The following PRRC2A variants were observed in gnomAD, a reference collection of about 807,000 sequenced individuals.
PRRC2A encodes proline rich coiled-coil 2A.
A neutral mutation model predicts 224.6 loss-of-function variants in PRRC2A; 59 were observed. The observed-to-expected ratio is 0.26, with a 90% confidence interval of 0.21 to 0.33. PRRC2A has a LOEUF of 0.33. Among genes scored for constraint, PRRC2A ranks in the 10% least tolerant of loss-of-function variants. The probability of loss-of-function intolerance (pLI) is 1.00; values close to 1 mark genes in which losing one functional copy is unlikely to be tolerated. For synonymous variants in PRRC2A, 1,194 were observed against 1,109.5 expected (o/e 1.08, Z -1.51); for missense variants, 3,095 against 2,880.7 (o/e 1.07, Z -1.70).
intron 19 of PRRC2A, 31 bp from the exon 20 acceptor site, chr6:31,634,441 C>T (rs1290473340): frequency 3.7e-6 from 6 of 1,612,720 alleles, no homozygotes; most frequent in African/African-American, 1.3e-5. Flanking sequence ...CATCTCCTCA[C>T]TTCTCTTCTG....
chr6:31,632,372 C>T lies in PRRC2A; in HGVS notation c.3699C>T (p.Gly1233=). The part of the protein sequence containing the change: ...RGGSNGGSNV[G]MEDGERPRRR... ...GCAGCAATGGAGGTAGCAATGTGGG[C>T]ATGGAAGATGGGGAGCGACCCCGAA... The change falls in exon 16 of 31, where the codon GGC becomes GGT. Residue 1233 remains glycine, a synonymous_variant. Coordinates refer to ENST00000376033, the MANE Select transcript of PRRC2A (RefSeq NM_004638.4). 1 of 1,612,736 alleles carries T rather than the reference C, an allele frequency of 6.2e-7. No homozygotes were observed. Among genetic ancestry groups the T allele is most frequent in the Non-Finnish European group, 8.5e-7 (1 of 1,179,588 alleles).
chr6:31,637,296 G>C lies in PRRC2A; in HGVS notation c.6305G>C (p.Arg2102Pro). 6.2e-7 allele frequency: 1 copy of C among 1,612,366 alleles called. No individual in the cohort carries two copies. Among genetic ancestry groups the C allele is most frequent in the Non-Finnish European group, 8.5e-7 (1 of 1,179,412 alleles). ...ATPSTYSGVF[R>P]TQRVDLYQQA... ...CCTTCCACCTACAGTGGAGTCTTCC[G>C]CACCCAGCGCGTCGACCTTTACCAG... The change falls in exon 30 of 31, where the codon CGC becomes CCC. Residue 2102 changes from arginine to proline, a missense_variant. Around this residue, in one of 8 missense-constraint regions of PRRC2A, gnomAD observed 662 missense variants for 609.5 expected, o/e 1.09. Transcript: ENST00000376033.
chr6:31,622,796 G>A lies in PRRC2A; in HGVS notation c.7G>A (p.Asp3Asn), dbSNP rs758196368. 8.7e-6 allele frequency: 14 copies of A among 1,612,392 alleles called. No homozygotes were observed. The highest frequency in any genetic ancestry group is 1.1e-5 in the South Asian group (1 of 90,982). The change falls in exon 2 of 31, where the codon GAT becomes AAT. Residue 3 changes from aspartate to asparagine, a missense_variant. Coordinates refer to ENST00000376033, the MANE Select transcript of PRRC2A (RefSeq NM_004638.4). MSDRSGPTAKGKD... is the reference protein window; with the variant it reads MSNRSGPTAKGKD... The stretch of plus-strand genomic sequence containing the variant: ...TCAATGAGCTTCCAGCGCAATGTCC[G>A]ATCGCTCGGGGCCGACTGCCAAGGG...
chr6:31,624,584 CT>C (rs1475992399), intron 5 of PRRC2A, 62 bp downstream of exon 5: 1 of 1,523,366 alleles, frequency 6.6e-7, no homozygotes, highest in Admixed American at 1.7e-5. Context: ...GAACCCTGCA[CT>C]GTATTTTCAG....
chr6:31,629,740 A>C lies in PRRC2A; in HGVS notation c.2149A>C (p.Met717Leu), dbSNP rs770097771. 1.9e-6 allele frequency: 3 copies of C among 1,611,164 alleles called. No homozygotes were observed. Among genetic ancestry groups the C allele is most frequent in the African/African-American group, 1.3e-5 (1 of 74,752 alleles). ...ALGRPPPMPPMNFDPRWMMIP... is the reference protein window; with the variant it reads ...ALGRPPPMPPLNFDPRWMMIP... The stretch of plus-strand genomic sequence containing the variant: ...GGGCCGGCCCCCACCCATGCCCCCA[A>C]TGAACTTTGATCCCCGATGGATGAT... Residue 717 changes from methionine to leucine, a missense_variant, in exon 14 of 31, where the codon ATG (methionine) becomes CTG (leucine). By Grantham distance (15) the Met-to-Leu change is conservative (BLOSUM62 2). Around this residue, in one of 8 missense-constraint regions of PRRC2A, gnomAD observed 2,001 missense variants for 1,764.9 expected, o/e 1.13. Coordinates refer to ENST00000376033, the MANE Select transcript of PRRC2A (RefSeq NM_004638.4).
chr6:31,627,642 G>T lies in PRRC2A; in HGVS notation c.1291-123G>T. On this transcript the variant is annotated intron_variant, in intron 11 of 30. Transcript: ENST00000376033. The surrounding 1 kb of genome is among the most constrained non-coding windows in gnomAD (Gnocchi z 5.6). Reference sequence around the variant, plus strand: ...TAATGAGTTTGTCACCACCCAGAGAGATCAACCCCAAAGCCTGGGTCGTTG... The same window carrying T: ...TAATGAGTTTGTCACCACCCAGAGATATCAACCCCAAAGCCTGGGTCGTTG... The T allele has an allele frequency of 7.9e-7, 1 of 1,264,832 alleles. No individual in the cohort carries two copies. The allele number at this position is 1,264,832 out of a possible 1,614,324, so 78.4% of individuals were successfully genotyped here. A position where few individuals can be genotyped will look rare whatever the true frequency, so the allele number is the denominator to read the frequency against.
chr6:31,623,427 C>G (rs1276598104), intron 2 of PRRC2A, among the ~76,000 whole-genome samples: 1 of 151,886 alleles, frequency 6.6e-6, no homozygotes, highest in Non-Finnish European at 1.5e-5. Flanking sequence ...GCCACCACAC[C>G]CGGCTAATTT....
chr6:31,633,546 A>G lies in PRRC2A; in HGVS notation c.4487A>G (p.His1496Arg). The G allele has an allele frequency of 6.2e-7, 1 of 1,613,052 alleles. No homozygotes were observed. ...RQGSVTAPGG[H>R]PRHKPGLPQA... is the part of the protein sequence containing the mutation. ...GGGAGTGTAACTGCACCAGGGGGTC[A>G]TCCAAGGCACAAGCCTGGGCTTCCC... is the stretch of plus-strand genomic sequence containing the variant. The change falls in exon 17 of 31, where the codon CAT becomes CGT. Residue 1496 changes from histidine to arginine, a missense_variant. His to Arg is a conservative substitution (Grantham distance 29). Around this residue, in one of 8 missense-constraint regions of PRRC2A, gnomAD observed 2,001 missense variants for 1,764.9 expected, o/e 1.13. Transcript: ENST00000376033.
Position 31,631,865 on chromosome 6 carries a change from T to G in PRRC2A, c.3192T>G (p.Asp1064Glu). 6.2e-7 allele frequency: 1 copy of G among 1,609,238 alleles called. No homozygotes were observed. Among genetic ancestry groups the G allele is most frequent in the Non-Finnish European group, 8.5e-7 (1 of 1,178,450 alleles). The change falls in exon 16 of 31, where the codon GAT becomes GAG. Residue 1064 changes from aspartate to glutamate, a missense_variant. Physicochemically the swap from Asp to Glu is conservative, Grantham distance 45. Around this residue, in one of 8 missense-constraint regions of PRRC2A, gnomAD observed 2,001 missense variants for 1,764.9 expected, o/e 1.13. Transcript: ENST00000376033. The surrounding 1 kb of genome is among the most constrained non-coding windows in gnomAD (Gnocchi z 4.5). ...FRSYREFRGDDGRGGGTGGPN... is the reference protein window; with the variant it reads ...FRSYREFRGDEGRGGGTGGPN... ...GTTACCGAGAGTTTCGAGGAGATGA[T>G]GGGCGTGGAGGTGGGACAGGGGGAC...
Position 31,624,346 on chromosome 6 carries a change from C to G in PRRC2A, c.376C>G (p.Pro126Ala), listed in dbSNP as rs1411423100. ...TGCCTCCAACCAGCCGAAACGACCCCCAGCAGCCCCCGAGGTACCTGGAGA... is the reference window on the plus strand; with the variant it reads ...TGCCTCCAACCAGCCGAAACGACCCGCAGCAGCCCCCGAGGTACCTGGAGA... ...TPASNQPKRP[P>A]AAPENTPLVP... Residue 126 changes from proline to alanine, a missense_variant, in exon 4 of 31, where the codon CCA becomes GCA. Coordinates refer to ENST00000376033, the MANE Select transcript of PRRC2A (RefSeq NM_004638.4). 2 of 1,614,034 alleles carry G rather than the reference C, an allele frequency of 1.2e-6. No individual in the cohort carries two copies. Among genetic ancestry groups the G allele is most frequent in the East Asian group, 2.2e-5 (1 of 44,886 alleles).
Position 31,632,147 on chromosome 6 carries a change from G to A in PRRC2A, c.3474G>A (p.Gly1158=). Residue 1158 remains glycine, a synonymous_variant, in exon 16 of 31, where the codon GGG becomes GGA. Coordinates refer to ENST00000376033, the MANE Select transcript of PRRC2A (RefSeq NM_004638.4). The part of the protein sequence containing the change: ...PAPARFTARG[G]RVFTPRGVPS... Reference sequence around the variant, plus strand: ...CAGCCCGCTTCACTGCCCGGGGTGGGCGAGTCTTCACTCCCAGAGGGGTGC... The same window carrying A: ...CAGCCCGCTTCACTGCCCGGGGTGGACGAGTCTTCACTCCCAGAGGGGTGC... 6 of 1,566,454 alleles carry A rather than the reference G, an allele frequency of 3.8e-6. No homozygotes were observed. The highest frequency in any genetic ancestry group is 5.2e-6 in the Non-Finnish European group (6 of 1,156,810).
In PRRC2A at chr6:31,633,003, A is replaced by G. The variant is rs188620497; in HGVS notation, c.4319+11A>G. Reference sequence around the variant, plus strand: ...TCCCAAGAACCGAAGGTGGGTAGGAACAAACAAATTTATTGTGGTTTAAAA... The same window carrying G: ...TCCCAAGAACCGAAGGTGGGTAGGAGCAAACAAATTTATTGTGGTTTAAAA... On this transcript the variant is annotated intron_variant, in intron 16 of 30. Transcript: ENST00000376033. The G allele has an allele frequency of 1.1e-3, 1,683 of 1,525,102 alleles. 5 individuals carry two copies. Among genetic ancestry groups the G allele is most frequent in the Non-Finnish European group, 8.4e-4 (952 of 1,138,556 alleles). The allele number at this position is 1,525,102 out of a possible 1,614,324, so 94.5% of individuals were successfully genotyped here. A position where few individuals can be genotyped will look rare whatever the true frequency, so the allele number is the denominator to read the frequency against.
Position 31,632,178 on chromosome 6 carries a change from C to T in PRRC2A, c.3505C>T (p.Arg1169Cys), listed in dbSNP as rs750297246. Residue 1169 changes from arginine (R) to cysteine (C), a missense_variant, in exon 16 of 31, where the codon CGC becomes TGC. Around this residue, in one of 8 missense-constraint regions of PRRC2A, gnomAD observed 2,001 missense variants for 1,764.9 expected, o/e 1.13. Transcript: ENST00000376033. ...RVFTPRGVPS[R>C]RGRGGGRPPP... ...CTTCACTCCCAGAGGGGTGCCATCTCGCCGGGGCCGAGGAGGAGGGAGGCC... is the reference window on the plus strand; with the variant it reads ...CTTCACTCCCAGAGGGGTGCCATCTTGCCGGGGCCGAGGAGGAGGGAGGCC... The T allele has an allele frequency of 2.4e-5, 38 of 1,594,444 alleles. No homozygotes were observed. The highest frequency in any genetic ancestry group is 3.0e-5 in the Non-Finnish European group (35 of 1,171,206).
rs1258585778 is a variant in PRRC2A at position 31,625,594 on chromosome 6, G to A, written c.742G>A (p.Gly248Arg). 3.8e-6 allele frequency: 6 copies of A among 1,573,566 alleles called. No individual in the cohort carries two copies. Among genetic ancestry groups the A allele is most frequent in the African/African-American group, 1.4e-5 (1 of 73,880 alleles). Reference sequence around the variant, plus strand: ...CCCACCCCAGTTCCCTCCCTACCGCGGAATGATGCCGCCTTTCGTGAGTCT... The same window carrying A: ...CCCACCCCAGTTCCCTCCCTACCGCAGAATGATGCCGCCTTTCGTGAGTCT... Reference protein sequence around the residue: ...SGPPQFPPYRGMMPPFMYPPY... With the variant: ...SGPPQFPPYRRMMPPFMYPPY... The change falls in exon 7 of 31, where the codon GGA becomes AGA. Residue 248 changes from glycine to arginine, a missense_variant. Transcript: ENST00000376033. This position sits in a 1 kb window ranked among gnomAD's most constrained non-coding sequence, Gnocchi z 4.1.
In PRRC2A at chr6:31,631,911, C is replaced by T. The variant is rs868312958; in HGVS notation, c.3238C>T (p.Arg1080Ter). ...TGGPNHPPAP[R>*]GRTASETRSE... ...GGGACCAAACCACCCTCCTGCTCCC[C>T]GAGGCCGCACTGCCAGCGAGACACG... Residue 1080 changes from arginine to a stop codon, truncating the protein, a stop_gained, in exon 16 of 31, where the codon CGA (arginine) becomes TGA (stop). Transcript: ENST00000376033. LOFTEE classifies it high-confidence loss of function. This position sits in a 1 kb window ranked among gnomAD's most constrained non-coding sequence, Gnocchi z 4.5. The T allele has an allele frequency of 1.2e-6, 2 of 1,612,330 alleles. No homozygotes were observed. The highest frequency in any genetic ancestry group is 1.7e-6 in the Non-Finnish European group (2 of 1,179,786).
Position 31,628,247 on chromosome 6 carries a change from G to A in PRRC2A, c.1765+8G>A, listed in dbSNP as rs761594846. 4 of 1,605,332 alleles carry A rather than the reference G, an allele frequency of 2.5e-6. No individual in the cohort carries two copies. The highest frequency in any genetic ancestry group is 2.5e-6 in the Non-Finnish European group (3 of 1,178,082). On this transcript the variant is annotated splice_region_variant and intron_variant, in intron 12 of 30. Transcript: ENST00000376033. ...GCTTCGAAGCCAGCCCAGGTATGGAGATGGGGATAGGTACTACCAGATGTC... is the reference window on the plus strand; with the variant it reads ...GCTTCGAAGCCAGCCCAGGTATGGAAATGGGGATAGGTACTACCAGATGTC...
Position 31,636,522 on chromosome 6 carries a change from C to T in PRRC2A, c.5848C>T (p.Leu1950=). ...TGTTTCCCGACAGGTACGCCAGGAT[C>T]TGCCATCCCCTTCGGATTTTTATTC... ...DTSLLQVRQD[L]PSPSDFYSTP... Residue 1950 remains leucine (L), a synonymous_variant, in exon 27 of 31, where the codon CTG becomes TTG. Transcript: ENST00000376033. This position sits in a 1 kb window ranked among gnomAD's most constrained non-coding sequence, Gnocchi z 4.3. The T allele has an allele frequency of 2.5e-6, 4 of 1,609,206 alleles. No individual in the cohort carries two copies. The highest frequency in any genetic ancestry group is 3.4e-6 in the Non-Finnish European group (4 of 1,178,062).
chr6:31,630,486 A>T, intron 14 of PRRC2A, 105 bp from the exon 15 acceptor site: 1 of 1,157,774 alleles, frequency 8.6e-7, no homozygotes, highest in Non-Finnish European at 1.2e-6. Context: ...ACCTACTGGG[A>T]ACAAGAGATG....
Position 31,625,545 on chromosome 6 carries a change from C to G in PRRC2A, c.693C>G (p.Pro231=). ...PDSKLHHGHD[P]RGGLQPSGPP... The stretch of plus-strand genomic sequence containing the variant: ...CCAAACTTCATCATGGTCATGATCC[C>G]CGGGGTGGGCTACAGCCTTCAGGCC... Residue 231 remains proline, a synonymous_variant, in exon 7 of 31, where the codon CCC becomes CCG. Transcript: ENST00000376033. This position sits in a 1 kb window ranked among gnomAD's most constrained non-coding sequence, Gnocchi z 4.1. The G allele has an allele frequency of 6.3e-7, 1 of 1,574,928 alleles. No homozygotes were observed. The highest frequency in any genetic ancestry group is 8.6e-7 in the Non-Finnish European group (1 of 1,157,490).
Sources: gnomAD v4.1 joint callset for allele counts (sites outside exome capture counted in the v4.1 genomes callset) on GRCh38, gnomAD v4.1.1 for gene constraint, gnomAD v4.1.1 regional missense constraint, Gnocchi (gnomAD v3.1) non-coding constraint, MANE v1.5 for transcripts, NCBI Gene and HGNC (gene_info 2026-07-23, HGNC 2026-07-21) for gene names.